The following ULK4 variants were observed in gnomAD, a reference collection of about 807,000 sequenced individuals.
ULK4 encodes inactive serine/threonine-protein kinase ULK4.
A neutral mutation model predicts 160.6 loss-of-function variants in ULK4; 133 were observed. That is an observed-to-expected ratio of 0.83 (90% CI 0.72 to 0.96). The LOEUF is 0.96. Ranked by LOEUF, ULK4 falls within the 40% of genes least tolerant of loss-of-function variation. The pLI is 0.00. For missense variants in ULK4, 1,580 were observed against 1,499.5 expected (o/e 1.05, Z -0.89); for synonymous variants, 534 against 539.8 (o/e 0.99, Z 0.15).
chr3:41,781,096 C>G (rs780617054), intron 21 of ULK4, among the ~76,000 whole-genome samples: 18 of 151,672 alleles, frequency 1.2e-4, no homozygotes, highest in African/African-American at 2.2e-4. Flanking sequence ...TCTATACATA[C>G]AGAGAGAGAA....
At chr3:41,396,929 T>C (rs886351685) in intron 35 of ULK4, among the ~76,000 whole-genome samples, 2 of 152,120 alleles carry the variant, frequency 1.3e-5, no homozygotes, top group African/African-American at 2.4e-5. Context: ...AATCTGTTTA[T>C]CTCCCTTCTA....
intron 31 of ULK4, among the ~76,000 whole-genome samples, chr3:41,582,057 T>C (rs1329597074): frequency 2.6e-5 from 4 of 152,180 alleles, no homozygotes; most frequent in Admixed American, 2.6e-4. Flanking sequence ...TCTTGAATTG[T>C]AGTGCCCATA....
intron 21 of ULK4, among the ~76,000 whole-genome samples, chr3:41,780,103 A>C (rs949771799): frequency 2.0e-5 from 3 of 151,822 alleles, no homozygotes; most frequent in African/African-American, 4.8e-5. Flanking sequence ...CCTGAGCCCA[A>C]GAGCTCGATA....
At chr3:41,734,396 A>G (rs966567277) in intron 22 of ULK4, among the ~76,000 whole-genome samples, 1 of 152,106 alleles carries the variant, frequency 6.6e-6, no homozygotes, top group Non-Finnish European at 1.5e-5. Flanking sequence ...GAGATGGGAG[A>G]GTTAGAAAGC....
At chr3:41,528,075 A>C (rs1177359674) in intron 32 of ULK4, among the ~76,000 whole-genome samples, 1 of 152,208 alleles carries the variant, frequency 6.6e-6, no homozygotes, top group Non-Finnish European at 1.5e-5. Context: ...TATGTATGAG[A>C]TTCCATGTAG....
chr3:41,357,341 T>A (rs1048046952), intron 35 of ULK4, among the ~76,000 whole-genome samples: 1 of 152,132 alleles, frequency 6.6e-6, no homozygotes, highest in Non-Finnish European at 1.5e-5. Context: ...ATAGGAAGAA[T>A]AAGTGACAGT....
chr3:41,390,673 G>A (rs1043792100), intron 35 of ULK4, among the ~76,000 whole-genome samples: 10 of 151,518 alleles, frequency 6.6e-5, no homozygotes, highest in South Asian at 2.1e-4. Flanking sequence ...GTAGTTGAGC[G>A]GTTTTGAGTG....
intron 32 of ULK4, among the ~76,000 whole-genome samples, chr3:41,556,801 G>A (rs2087318478): frequency 6.6e-6 from 1 of 151,752 alleles, no homozygotes; most frequent in Non-Finnish European, 1.5e-5. Context: ...CTTTTAAGGA[G>A]TAGATAATTC....
chr3:41,813,940 T>C (rs575242850), intron 19 of ULK4, among the ~76,000 whole-genome samples: 72 of 152,292 alleles, frequency 4.7e-4, no homozygotes, highest in African/African-American at 1.6e-3. Flanking sequence ...AGGTACAGAG[T>C]TGCCCAGTGT....
At chr3:41,390,455 T>A (rs574915036) in intron 35 of ULK4, among the ~76,000 whole-genome samples, 2 of 152,190 alleles carry the variant, frequency 1.3e-5, no homozygotes, top group Non-Finnish European at 1.5e-5. Flanking sequence ...TTAATTGTGA[T>A]GTTAGGGTGT....
intron 35 of ULK4, among the ~76,000 whole-genome samples, chr3:41,307,059 T>A (rs2125716598): frequency 1.3e-5 from 2 of 151,192 alleles, no homozygotes; most frequent in South Asian, 4.2e-4. Context: ...CTTTGTTCAC[T>A]TGTTTATCTG....
chr3:41,446,627 CA>C (rs201786536), intron 34 of ULK4, among the ~76,000 whole-genome samples: 39,574 of 147,444 alleles, frequency 0.27, 5,432 homozygotes, highest in East Asian at 0.57. Flanking sequence ...ATCGCAGGGA[CA>C]AAAAAAACAA....
chr3:41,888,395 T>C (rs904602643), intron 16 of ULK4, among the ~76,000 whole-genome samples: 3 of 152,172 alleles, frequency 2.0e-5, no homozygotes, highest in Non-Finnish European at 2.9e-5. Context: ...TCAGATGACA[T>C]GCATAGATAG....
chr3:41,643,510 G>A (rs894569576), intron 30 of ULK4, among the ~76,000 whole-genome samples: 32 of 152,094 alleles, frequency 2.1e-4, no homozygotes, highest in Non-Finnish European at 3.2e-4. Flanking sequence ...GAAGATATGC[G>A]GCATTATTTC....
intron 7 of ULK4, among the ~76,000 whole-genome samples, chr3:41,917,402 G>A (rs939399783): frequency 6.6e-6 from 1 of 152,062 alleles, no homozygotes; most frequent in Non-Finnish European, 1.5e-5. Context: ...TACTTGGGAG[G>A]TTGACTGCAC....
intron 6 of ULK4, 71 bp from the exon 7 acceptor site, chr3:41,918,611 T>TG: frequency 1.0e-6 from 1 of 993,082 alleles, no homozygotes; most frequent in South Asian, 1.7e-5. Flanking sequence ...TTTTTTTTTT[T>TG]TTTTTTTTGA....
At chr3:41,699,260 G>A (rs552543998) in intron 27 of ULK4, among the ~76,000 whole-genome samples, 34 of 152,254 alleles carry the variant, frequency 2.2e-4, no homozygotes, top group African/African-American at 7.9e-4. Flanking sequence ...CCAACACTAA[G>A]TATTAACTCA....
chr3:41,848,829 T>TA (rs1370849276), intron 17 of ULK4, among the ~76,000 whole-genome samples: 1 of 152,178 alleles, frequency 6.6e-6, no homozygotes, highest in Admixed American at 6.5e-5. Flanking sequence ...CCTTTATGCC[T>TA]AAGTTAGGCA....
chr3:41,247,109 T>C, intron 36 of ULK4, 117 bp from the exon 37 acceptor site: 2 of 982,372 alleles, frequency 2.0e-6, no homozygotes, highest in Non-Finnish European at 3.1e-6. Context: ...AGCTGCAGCA[T>C]CCTCTTGGGA....
Sources: gnomAD v4.1 joint callset for allele counts (sites outside exome capture counted in the v4.1 genomes callset) on GRCh38, gnomAD v4.1.1 for gene constraint, MANE v1.5 for transcripts, NCBI Gene and HGNC (gene_info 2026-07-23, HGNC 2026-07-21) for gene names.